The following RASGRF1 variants were observed in gnomAD, a reference collection of about 807,000 sequenced individuals.
RASGRF1 encodes the protein ras-specific guanine nucleotide-releasing factor 1.
In RASGRF1, 40 loss-of-function variants were observed where a neutral mutation model predicts 138.7. That is an observed-to-expected ratio of 0.29 (90% CI 0.22 to 0.38). The LOEUF (loss-of-function observed/expected upper bound fraction) is 0.38, where lower values mean the gene tolerates loss of function less well. Among genes scored for constraint, RASGRF1 ranks in the 10% least tolerant of loss-of-function variants. The pLI is 1.00. For synonymous variants in RASGRF1, 614 were observed against 663.2 expected (o/e 0.93, Z 1.14); for missense variants, 1,108 against 1,650.4 (o/e 0.67, Z 5.69).
rs139577540 is a variant in RASGRF1 at position 78,973,493 on chromosome 15, G to A, written c.3495-73C>T. The A allele has an allele frequency of 6.4e-4, 723 of 1,135,678 alleles. 4 individuals are homozygous for A. In the African/African-American group the frequency reaches 9.6e-3, roughly 15 times the overall value. 70.4% of individuals were successfully genotyped at this position (1,135,678 alleles called of 1,614,324 possible). ...ACGTCTACCAAGAACAGAACATCCCGCATGCACCTTTTGCTTTGCTAGAGG... is the reference window on the plus strand; with the variant it reads ...ACGTCTACCAAGAACAGAACATCCCACATGCACCTTTTGCTTTGCTAGAGG... On this transcript the variant is annotated intron_variant, in intron 24 of 26. Transcript: ENST00000558480. The surrounding 1 kb of genome is among the most constrained non-coding windows in gnomAD (Gnocchi z 4.9).
intron 3 of RASGRF1, among the ~76,000 whole-genome samples, chr15:79,051,367 C>T (rs898685712): frequency 6.6e-6 from 1 of 151,400 alleles, no homozygotes; most frequent in African/African-American, 2.4e-5. Context: ...TTTCTCCCCA[C>T]CCCCTCCCCC....
chr15:78,988,553 G>C (rs1221647977), intron 22 of RASGRF1, among the ~76,000 whole-genome samples: 1 of 152,178 alleles, frequency 6.6e-6, no homozygotes, highest in African/African-American at 2.4e-5. Context: ...GCAATCTCTG[G>C]GTCTTTCTTG....
chr15:79,011,890 C>T (rs991884120), intron 13 of RASGRF1, among the ~76,000 whole-genome samples: 1 of 152,096 alleles, frequency 6.6e-6, no homozygotes, highest in African/African-American at 2.4e-5. Flanking sequence ...GTGGTGCACG[C>T]CTGTAGTCCC....
chr15:78,990,476 C>G (rs2056246457), intron 21 of RASGRF1, among the ~76,000 whole-genome samples: 1 of 152,340 alleles, frequency 6.6e-6, no homozygotes, highest in South Asian at 2.1e-4. Context: ...CAGACAAACC[C>G]TTTATAGCTC....
At chr15:79,074,588 G>A (rs867819350) in intron 1 of RASGRF1, among the ~76,000 whole-genome samples, 5 of 152,132 alleles carry the variant, frequency 3.3e-5, no homozygotes, top group South Asian at 2.1e-4. Flanking sequence ...GACCCTTATC[G>A]TGAGCCTCAC....
intron 1 of RASGRF1, among the ~76,000 whole-genome samples, chr15:79,083,645 C>T (rs192541735): frequency 2.0e-5 from 3 of 152,314 alleles, no homozygotes; most frequent in African/African-American, 7.2e-5. Flanking sequence ...GAATAACAGT[C>T]CCCAGCCAGT....
At position 79,052,128 on chromosome 15, in the gene RASGRF1, G is replaced by C. The variant is rs73477322; in HGVS notation, c.532-2540C>G. 6.6e-3 allele frequency among the ~76,000 whole-genome samples: 1,010 copies of C among 152,176 alleles called. 11 individuals carry two copies. Among genetic ancestry groups the C allele is most frequent in the African/African-American group, 0.023 (966 of 41,510 alleles). On this transcript the variant is annotated intron_variant, in intron 3 of 26. Transcript: ENST00000558480. ...CACCTGGCTCCATGCCTGGTGTCTT[G>C]GCTGGCTCCTGCCCACCCACCACCC... is the stretch of plus-strand genomic sequence containing the variant.
chr15:79,080,571 G>C (rs1417393449), intron 1 of RASGRF1, among the ~76,000 whole-genome samples: 7 of 152,116 alleles, frequency 4.6e-5, no homozygotes, highest in Non-Finnish European at 5.9e-5. Context: ...TTTCTACATG[G>C]AGTTTTGGAA....
intron 23 of RASGRF1, among the ~76,000 whole-genome samples, chr15:78,982,947 G>T (rs1187458752): frequency 1.3e-5 from 2 of 152,132 alleles, no homozygotes; most frequent in African/African-American, 2.4e-5. Context: ...GAAATGAAAA[G>T]TCCCAAATGA....
chr15:79,010,174 T>C (rs1260008764), intron 13 of RASGRF1, among the ~76,000 whole-genome samples: 8 of 151,954 alleles, frequency 5.3e-5, no homozygotes, highest in Admixed American at 4.6e-4. Flanking sequence ...GTAGCTGGGA[T>C]TACAGGCATG....
intron 4 of RASGRF1, among the ~76,000 whole-genome samples, chr15:79,049,293 C>T (rs1178054940): frequency 6.6e-6 from 1 of 152,044 alleles, no homozygotes; most frequent in East Asian, 1.9e-4. Flanking sequence ...AAGCACTCTG[C>T]CCCATAGGGA....
At chr15:79,086,495 C>A (rs1027024662) in intron 1 of RASGRF1, among the ~76,000 whole-genome samples, 2 of 152,048 alleles carry the variant, frequency 1.3e-5, no homozygotes, top group Admixed American at 1.3e-4. Context: ...AGTAATGTGT[C>A]CTGTGCATGA....
At chr15:78,997,901 A>G in intron 19 of RASGRF1, 195 bp downstream of exon 19, 2 of 585,848 alleles carry the variant, frequency 3.4e-6, no homozygotes, top group South Asian at 4.0e-5. Flanking sequence ...GGAGAGAGGA[A>G]AGAAGGACAA....
At position 79,027,289 on chromosome 15, in the gene RASGRF1, A is replaced by G. The variant is rs1418187940; in HGVS notation, c.1381+452T>C. Among the ~76,000 whole-genome samples the G allele has an allele frequency of 2.0e-5, 3 of 152,160 alleles. No individual in the cohort carries two copies. Among genetic ancestry groups the G allele is most frequent in the Non-Finnish European group, 4.4e-5 (3 of 68,022 alleles). On this transcript the variant is annotated intron_variant, in intron 9 of 26. Transcript: ENST00000558480. The surrounding 1 kb of genome is among the most constrained non-coding windows in gnomAD (Gnocchi z 4.8). ...TTCTACCCATGAGAACCACTGTGAA[A>G]ATGGTCTCTCCAAAGCAGCAGAGGA... is the stretch of plus-strand genomic sequence containing the variant.
At chr15:79,075,934 A>G (rs1473064389) in intron 1 of RASGRF1, among the ~76,000 whole-genome samples, 1 of 152,146 alleles carries the variant, frequency 6.6e-6, no homozygotes, top group African/African-American at 2.4e-5. Context: ...AAGATTTCCC[A>G]CACCTTTTAC....
chr15:79,073,984 G>A lies in RASGRF1; in HGVS notation c.277-9458C>T, dbSNP rs2141085325. 1.3e-5 allele frequency among the ~76,000 whole-genome samples: 2 copies of A among 152,368 alleles called. No homozygotes were observed. Among genetic ancestry groups the A allele is most frequent in the South Asian group, 4.1e-4 (2 of 4,830 alleles). On this transcript the variant is annotated intron_variant, in intron 1 of 26. Transcript: ENST00000558480. The surrounding 1 kb of genome is among the most constrained non-coding windows in gnomAD (Gnocchi z 4.2). ...GAGATAAAACTACATGTGGGGCCAG[G>A]ACTGTCTTCAGTCTTGCTGGGTGCC... is the stretch of plus-strand genomic sequence containing the variant.
chr15:79,038,527 T>G (rs563124641), intron 5 of RASGRF1, among the ~76,000 whole-genome samples: 6 of 152,228 alleles, frequency 3.9e-5, no homozygotes, highest in Non-Finnish European at 8.8e-5. Context: ...TATTAATGGG[T>G]TGGTTGAACA....
chr15:79,027,772 G>A lies in RASGRF1; in HGVS notation c.1350C>T (p.Leu450=). 1 of 1,614,246 alleles carries A rather than the reference G, an allele frequency of 6.2e-7. No homozygotes were observed. The highest frequency in any genetic ancestry group is 2.2e-5 in the East Asian group (1 of 44,884). The change falls in exon 9 of 27, where the codon CTC becomes CTT. Residue 450 remains leucine (L), a synonymous_variant. Transcript: ENST00000558480. The surrounding 1 kb of genome is among the most constrained non-coding windows in gnomAD (Gnocchi z 4.8). Reference sequence around the variant, plus strand: ...TCACAAAGGTCTGGCTGGTGTCCAGGAGGATCTCACAGCCTTCGATGATCA... The same window carrying A: ...TCACAAAGGTCTGGCTGGTGTCCAGAAGGATCTCACAGCCTTCGATGATCA... ...ERMIIEGCEI[L]LDTSQTFVRQ...
chr15:79,089,464 G>A (rs537617553), intron 1 of RASGRF1, among the ~76,000 whole-genome samples: 12 of 152,360 alleles, frequency 7.9e-5, no homozygotes, highest in African/African-American at 2.9e-4. Context: ...AAACCAGAGC[G>A]CAGCGCTATA....
Sources: allele counts gnomAD v4.1 joint callset (sites outside exome capture counted in the v4.1 genomes callset), GRCh38; gene constraint gnomAD v4.1.1; non-coding constraint Gnocchi (gnomAD v3.1); transcripts MANE v1.5; gene names NCBI Gene and HGNC (gene_info 2026-07-23, HGNC 2026-07-21).